Variants in MAP4K5 observed in about 807,000 individuals in gnomAD.
MAP4K5 encodes mitogen-activated protein kinase kinase kinase kinase 5, also known as MAPK/ERK kinase kinase kinase 5.
Under a neutral mutation model 135.6 loss-of-function variants are expected in MAP4K5, and 82 were observed. The observed-to-expected ratio is 0.60, with a 90% confidence interval of 0.51 to 0.73. The LOEUF is 0.73. Ranked by LOEUF, MAP4K5 falls within the 30% of genes least tolerant of loss-of-function variation. The pLI, the probability that MAP4K5 is intolerant of heterozygous loss-of-function variation, is 0.00. For synonymous variants in MAP4K5, 347 were observed against 335.0 expected (o/e 1.04, Z -0.39); for missense variants, 907 against 1,010.9 (o/e 0.90, Z 1.39).
rs2037056280 is a variant in MAP4K5 at position 50,474,669 on chromosome 14, CA to C, written c.542+407del. 2.6e-5 allele frequency among the ~76,000 whole-genome samples: 4 copies of C among 152,124 alleles called. No homozygotes were observed. In the South Asian group the frequency reaches 8.3e-4, roughly 32 times the overall value. ...TTAGGTGATGGGTCAATAGGTGCAG[CA>C]AACCCACCATGGCACACGTTTACCT... On this transcript the variant is annotated intron_variant, in intron 9 of 32. Transcript: ENST00000682126.
At chr14:50,479,119 C>T (rs1048564025) in intron 6 of MAP4K5, among the ~76,000 whole-genome samples, 2 of 149,356 alleles carry the variant, frequency 1.3e-5, no homozygotes, top group Non-Finnish European at 2.9e-5. Flanking sequence ...CAGCCATCTC[C>T]CCTTTTCAGT....
At chr14:50,461,926 AAAAAG>A (rs1196999457) in intron 13 of MAP4K5, among the ~76,000 whole-genome samples, 1 of 152,094 alleles carries the variant, frequency 6.6e-6, no homozygotes. Context: ...TCAAAAAAAA[AAAAAG>A]AAAATACATT....
At chr14:50,432,567 A>C (rs7494517) in intron 28 of MAP4K5, among the ~76,000 whole-genome samples, 19 of 92,754 alleles carry the variant, frequency 2.0e-4, no homozygotes, top group East Asian at 7.3e-4. Context: ...AAAAAAAAAA[A>C]AAAAAAAAAC....
Position 50,444,938 on chromosome 14 carries a change from T to C in MAP4K5, c.1339+103A>G, listed in dbSNP as rs1566645053. The C allele has an allele frequency of 2.4e-6, 3 of 1,244,448 alleles. No homozygotes were observed. The East Asian group carries it at 7.3e-5, about 30-fold the overall frequency. The allele number at this position is 1,244,448 out of a possible 1,614,324, so 77.1% of individuals were successfully genotyped here. The stretch of plus-strand genomic sequence containing the variant: ...TAAATAAAAAAGATATTTTTTGAAA[T>C]AGGAACAAATGACTCTCATTTCAGT... On this transcript the variant is annotated intron_variant, in intron 18 of 32. Transcript: ENST00000682126.
intron 2 of MAP4K5, among the ~76,000 whole-genome samples, chr14:50,518,532 G>A (rs773045449): frequency 6.6e-6 from 1 of 152,122 alleles, no homozygotes; most frequent in Non-Finnish European, 1.5e-5. Context: ...TTACTTCCAG[G>A]CTGGCTTCCA....
intron 13 of MAP4K5, 59 bp downstream of exon 13, chr14:50,462,606 A>C: frequency 8.3e-7 from 1 of 1,202,856 alleles, no homozygotes; most frequent in Non-Finnish European, 1.2e-6. Context: ...AAAAAAAGCA[A>C]ACTTTAAGGC....
intron 10 of MAP4K5, among the ~76,000 whole-genome samples, chr14:50,467,305 T>G (rs916576012): frequency 6.6e-5 from 10 of 152,046 alleles, no homozygotes; most frequent in African/African-American, 2.4e-4. Context: ...CTGTTTCTTT[T>G]TTAGCATAAC....
chr14:50,424,709 CAA>C (rs57648390), intron 31 of MAP4K5, among the ~76,000 whole-genome samples: 25 of 21,360 alleles, frequency 1.2e-3, no homozygotes, highest in African/African-American at 1.7e-3. Context: ...GACTCCATCT[CAA>C]AAAAAAAAAA....
intron 3 of MAP4K5, among the ~76,000 whole-genome samples, chr14:50,497,230 G>A (rs2037614124): frequency 6.6e-6 from 1 of 152,066 alleles, no homozygotes; most frequent in African/African-American, 2.4e-5. Flanking sequence ...TTTTTCCATT[G>A]AGCATAATGA....
chr14:50,432,093 A>C (rs1004432802), intron 28 of MAP4K5, among the ~76,000 whole-genome samples: 1 of 152,186 alleles, frequency 6.6e-6, no homozygotes, highest in Admixed American at 6.5e-5. Flanking sequence ...ATGTTCAGGC[A>C]CTCATTCAAC....
intron 2 of MAP4K5, among the ~76,000 whole-genome samples, chr14:50,517,736 C>T (rs889327276): frequency 3.9e-5 from 6 of 152,020 alleles, no homozygotes; most frequent in Non-Finnish European, 8.8e-5. Context: ...CAAGATACCG[C>T]CACTGCACTC....
intron 2 of MAP4K5, among the ~76,000 whole-genome samples, chr14:50,522,200 A>G (rs12882884): frequency 0.18 from 26,569 of 151,814 alleles, 2,785 homozygotes; most frequent in East Asian, 0.53. Flanking sequence ...ACAAAGAACT[A>G]GAATACTAGA....
chr14:50,519,806 A>T (rs1356086151), intron 2 of MAP4K5, among the ~76,000 whole-genome samples: 2 of 152,214 alleles, frequency 1.3e-5, no homozygotes. Context: ...TCCTACCTGT[A>T]GATCTTTACT....
intron 9 of MAP4K5, among the ~76,000 whole-genome samples, chr14:50,472,846 A>T (rs1158109912): frequency 6.6e-6 from 1 of 152,202 alleles, no homozygotes; most frequent in Non-Finnish European, 1.5e-5. Flanking sequence ...ATTGAAAAGA[A>T]ATCTTATAAA....
intron 26 of MAP4K5, among the ~76,000 whole-genome samples, chr14:50,435,317 A>G (rs1052051499): frequency 5.3e-5 from 8 of 152,266 alleles, no homozygotes; most frequent in East Asian, 1.9e-4. Flanking sequence ...ACAACCTAAC[A>G]TGCAACCTAA....
In MAP4K5 at chr14:50,482,385, G is replaced by A. The variant is rs1318409033; in HGVS notation, c.354C>T (p.Ala118=). 1 of 1,533,072 alleles carries A rather than the reference G, an allele frequency of 6.5e-7. No homozygotes were observed. The highest frequency in any genetic ancestry group is 8.8e-7 in the Non-Finnish European group (1 of 1,141,850). The allele number at this position is 1,533,072 out of a possible 1,614,324, so 95.0% of individuals were successfully genotyped here. A position where few individuals can be genotyped will look rare whatever the true frequency, so the allele number is the denominator to read the frequency against. Residue 118 remains alanine (A), a synonymous_variant, in exon 6 of 33, where the codon GCC becomes GCT. Coordinates refer to ENST00000682126, the MANE Select transcript of MAP4K5 (RefSeq NM_006575.6). The part of the protein sequence containing the change: ...VTGPLSELQI[A]YVCRETLQGL... ...CCTGTAAGGTTTCTCTGCATACATA[G>A]GCTATTTGCAATTCTGATAATGGTC...
intron 13 of MAP4K5, among the ~76,000 whole-genome samples, chr14:50,460,492 G>A (rs935303515): frequency 6.6e-6 from 1 of 152,110 alleles, no homozygotes; most frequent in African/African-American, 2.4e-5. Flanking sequence ...AGGCAAATTG[G>A]AGAATAGAGT....
Position 50,503,989 on chromosome 14 carries a change from C to A in MAP4K5, c.166+811G>T, listed in dbSNP as rs2037759239. On this transcript the variant is annotated intron_variant, in intron 3 of 32. Transcript: ENST00000682126. ...TGAAAGAGTATTATTATAACAATTT[C>A]TATTTGCCAGGACAAAAAAGATACT... Among the ~76,000 whole-genome samples, 3 of 151,928 alleles carry A rather than the reference C, an allele frequency of 2.0e-5. No individual in the cohort carries two copies. The South Asian group carries it at 6.2e-4, about 31-fold the overall frequency.
chr14:50,543,673 G>A (rs1027404193), intron 1 of MAP4K5, among the ~76,000 whole-genome samples: 1 of 152,130 alleles, frequency 6.6e-6, no homozygotes, highest in Non-Finnish European at 1.5e-5. Flanking sequence ...TAAGGATGTA[G>A]TATAGGACTC....
Sources: gnomAD v4.1 joint callset for allele counts (sites outside exome capture counted in the v4.1 genomes callset) on GRCh38, gnomAD v4.1.1 for gene constraint, MANE v1.5 for transcripts, NCBI Gene and HGNC (gene_info 2026-07-23, HGNC 2026-07-21) for gene names.